Variants in PRH1 observed in about 807,000 individuals in gnomAD.
The protein encoded by PRH1 is salivary acidic proline-rich phosphoprotein 1/2.
In PRH1, 7 loss-of-function variants were observed where a neutral mutation model predicts 7.9. The ratio of observed to expected loss-of-function variants is 0.89; its 90% confidence interval spans 0.50 to 1.67. PRH1 has a LOEUF of 1.67. PRH1 is among the 40% of genes most tolerant of loss of function. The pLI is 0.00. For missense variants in PRH1, 109 were observed against 223.6 expected (o/e 0.49, Z 3.27); for synonymous variants, 45 against 80.8 (o/e 0.56, Z 2.38).
chr12:11,152,779 T>G (rs1372195124), intron 1 of PRH1, among the ~76,000 whole-genome samples: 1 of 152,210 alleles, frequency 6.6e-6, no homozygotes, highest in Non-Finnish European at 1.5e-5. Flanking sequence ...TAGCAGAATG[T>G]ATATGAGCAG....
chr12:11,049,296 T>G (rs188116590), upstream of PRH1: 1 of 551,072 alleles, frequency 1.8e-6, no homozygotes, highest in East Asian at 3.8e-5. Context: ...GCAGCCTTAA[T>G]AACACTGGTT....
chr12:11,159,987 T>C (rs1400537869), intron 1 of PRH1, among the ~76,000 whole-genome samples: 1 of 152,190 alleles, frequency 6.6e-6, no homozygotes, highest in Non-Finnish European at 1.5e-5. Flanking sequence ...TAATGATGTC[T>C]ATTTATCTTC....
At chr12:10,887,413 A>T (rs1407116735), upstream of PRH1, among the ~76,000 whole-genome samples, 1 of 152,204 alleles carries the variant, frequency 6.6e-6, no homozygotes, top group Admixed American at 6.5e-5. Flanking sequence ...TTGTCTAAAA[A>T]GTTTGGTGAC....
intron 1 of PRH1, among the ~76,000 whole-genome samples, chr12:11,060,454 G>T (rs1020822784): frequency 7.3e-6 from 1 of 137,852 alleles, no homozygotes; most frequent in Non-Finnish European, 1.6e-5. Flanking sequence ...GAAGGTAAGG[G>T]TATAATTAAC....
intron 1 of PRH1, among the ~76,000 whole-genome samples, chr12:11,080,471 G>A (rs554358104): frequency 8.6e-6 from 1 of 116,250 alleles, no homozygotes; most frequent in East Asian, 2.1e-4. Context: ...CAATTCTTAT[G>A]CATATATATA....
intron 2 of PRH1, among the ~76,000 whole-genome samples, chr12:10,920,430 AAAGT>A (rs1407267574): frequency 2.0e-5 from 3 of 152,270 alleles, no homozygotes; most frequent in Admixed American, 2.0e-4. Context: ...ATCCTTCACT[AAAGT>A]ATTATAGTTA....
At chr12:11,023,683 C>G (rs1026840803) in intron 1 of PRH1, among the ~76,000 whole-genome samples, 1 of 152,200 alleles carries the variant, frequency 6.6e-6, no homozygotes, top group Non-Finnish European at 1.5e-5. Context: ...AGGACATCAT[C>G]TGGCTAGCAC....
chr12:11,140,346 T>C (rs992890939), intron 1 of PRH1, among the ~76,000 whole-genome samples: 1 of 152,138 alleles, frequency 6.6e-6, no homozygotes, highest in African/African-American at 2.4e-5. Context: ...AAAATAAATA[T>C]ATCATTGCTG....
At chr12:11,070,594 C>T (rs1308605814) in intron 1 of PRH1, among the ~76,000 whole-genome samples, 1 of 152,146 alleles carries the variant, frequency 6.6e-6, no homozygotes, top group African/African-American at 2.4e-5. Context: ...ACTTCCATTC[C>T]TGCTCAGAAA....
intron 1 of PRH1, among the ~76,000 whole-genome samples, chr12:11,089,969 G>A (rs138257714): frequency 0.014 from 1,179 of 84,102 alleles, 3 homozygotes; most frequent in Non-Finnish European, 0.019. Context: ...ACCTGAGACC[G>A]GAACAGGGGA....
intron 2 of PRH1, among the ~76,000 whole-genome samples, chr12:10,959,179 T>C (rs1222362624): frequency 6.6e-6 from 1 of 152,112 alleles, no homozygotes; most frequent in African/African-American, 2.4e-5. Context: ...TTTTTTAGTC[T>C]AAGCATCTGA....
intron 2 of PRH1, among the ~76,000 whole-genome samples, chr12:10,942,782 C>CT (rs1202952340): frequency 6.6e-6 from 1 of 152,214 alleles, no homozygotes; most frequent in Non-Finnish European, 1.5e-5. Flanking sequence ...TTCCTTCTCT[C>CT]TGTGGCATTT....
chr12:11,118,454 C>T (rs1441128305), downstream of PRH1, among the ~76,000 whole-genome samples: 1 of 152,094 alleles, frequency 6.6e-6, no homozygotes, highest in Non-Finnish European at 1.5e-5. Flanking sequence ...AAACGGGAAC[C>T]ACTGTACACC....
downstream of PRH1, among the ~76,000 whole-genome samples, chr12:11,120,630 C>G (rs1490769525): frequency 6.6e-6 from 1 of 152,062 alleles, no homozygotes; most frequent in Non-Finnish European, 1.5e-5. Flanking sequence ...TTTGTTCATT[C>G]TCCATTGCCT....
intron 1 of PRH1, among the ~76,000 whole-genome samples, chr12:11,023,768 C>G (rs1941774943): frequency 6.6e-6 from 1 of 152,250 alleles, no homozygotes; most frequent in African/African-American, 2.4e-5. Flanking sequence ...ATCAGCCAAA[C>G]TAGCGGCAAG....
intron 1 of PRH1, among the ~76,000 whole-genome samples, chr12:11,067,085 G>A (rs1429841392): frequency 7.7e-6 from 1 of 129,954 alleles, no homozygotes; most frequent in Non-Finnish European, 1.8e-5. Context: ...TCTTAGCTAT[G>A]GTGACTAAAT....
intron 1 of PRH1, among the ~76,000 whole-genome samples, chr12:11,066,632 T>C (rs1591937104): frequency 4.1e-5 from 1 of 24,374 alleles, no homozygotes; most frequent in Non-Finnish European, 1.9e-4. Context: ...TTTAATGAGA[T>C]AGATGTATAT....
At chr12:10,926,969 T>C (rs1805420891) in intron 2 of PRH1, among the ~76,000 whole-genome samples, 1 of 152,166 alleles carries the variant, frequency 6.6e-6, no homozygotes, top group South Asian at 2.1e-4. Context: ...GCAGTCCTAC[T>C]TCTCCCTTTC....
At chr12:11,083,830 T>A (rs956546220) in intron 1 of PRH1, among the ~76,000 whole-genome samples, 1 of 137,790 alleles carries the variant, frequency 7.3e-6, no homozygotes, top group African/African-American at 2.6e-5. Context: ...TTATACTGAA[T>A]CATTTTTCAA....
Sources: allele counts gnomAD v4.1 joint callset (sites outside exome capture counted in the v4.1 genomes callset), GRCh38; gene constraint gnomAD v4.1.1; transcripts MANE v1.5; gene names NCBI Gene and HGNC (gene_info 2026-07-23, HGNC 2026-07-21).